The following SRP68 variants were observed in gnomAD, a reference collection of about 807,000 sequenced individuals.
SRP68 encodes signal recognition particle 68.
SRP68 carries 15 observed loss-of-function variants against 82.2 expected under a neutral mutation model. That is an observed-to-expected ratio of 0.18 (90% CI 0.12 to 0.28). SRP68 has a LOEUF of 0.28. Ranked by LOEUF, SRP68 falls within the 10% of genes least tolerant of loss-of-function variation. The pLI is 1.00. For missense variants in SRP68, 595 were observed against 780.5 expected (o/e 0.76, Z 2.83); for synonymous variants, 261 against 292.6 (o/e 0.89, Z 1.10).
Position 76,051,606 on chromosome 17 carries a change from T to C in SRP68, c.979-1080A>G, listed in dbSNP as rs1358303221. Among the ~76,000 whole-genome samples, 5 of 152,210 alleles carry C rather than the reference T, an allele frequency of 3.3e-5. No individual in the cohort carries two copies. In the South Asian group the frequency reaches 1.0e-3, roughly 32 times the overall value. On this transcript the variant is annotated intron_variant, in intron 8 of 15. Transcript: ENST00000307877. The stretch of plus-strand genomic sequence containing the variant: ...TCTTAAAAGTTCTCTTAAGAATCTA[T>C]TTCTTCTCTTTTCTTAGTCTCCAGT...
rs1399394987 is a variant in SRP68 at position 76,062,724 on chromosome 17, T to A, written c.562-1150A>T. ...TTGTATATTATACAATATATTATATTTATTTTATATATATATATATATATA... is the reference window on the plus strand; with the variant it reads ...TTGTATATTATACAATATATTATATATATTTTATATATATATATATATATA... On this transcript the variant is annotated intron_variant, in intron 4 of 15. Transcript: ENST00000307877. 2.9e-4 allele frequency among the ~76,000 whole-genome samples: 8 copies of A among 27,430 alleles called. 1 individual carries two copies. The highest frequency in any genetic ancestry group is 2.2e-3 in the South Asian group (2 of 918). 18.0% of individuals were successfully genotyped at this position (27,430 alleles called of 152,430 possible).
At chr17:76,070,480 A>G in intron 1 of SRP68, 36 bp from the exon 2 acceptor site, 1 of 1,563,222 alleles carries the variant, frequency 6.4e-7, no homozygotes, top group Non-Finnish European at 8.8e-7. Context: ...TACCATAGCA[A>G]GAATCCAAAC....
intron 5 of SRP68, 25 bp from the exon 6 acceptor site, chr17:76,061,244 T>G (rs1454566343): frequency 6.6e-7 from 1 of 1,505,168 alleles, no homozygotes; most frequent in African/African-American, 1.4e-5. Flanking sequence ...AAGCCAGGTT[T>G]TACATCAGCC....
intron 3 of SRP68, among the ~76,000 whole-genome samples, chr17:76,065,159 G>A (rs1262903445): frequency 1.3e-5 from 2 of 151,914 alleles, no homozygotes; most frequent in Non-Finnish European, 2.9e-5. Flanking sequence ...GCTATCATAA[G>A]ATAGTCCAGG....
At position 76,066,693 on chromosome 17, in the gene SRP68, G is replaced by A. The variant is rs571556705; in HGVS notation, c.365+524C>T. On this transcript the variant is annotated intron_variant, in intron 3 of 15. Coordinates refer to ENST00000307877, the MANE Select transcript of SRP68 (RefSeq NM_014230.4). ...CTTCCCTGTACAGAGACAGAGGAAG[G>A]GGGGCTCCAAAGCTGAGACAGTGAA... Among the ~76,000 whole-genome samples the A allele has an allele frequency of 1.5e-4, 22 of 150,902 alleles. No homozygotes were observed. The South Asian group carries it at 3.1e-3, about 22-fold the overall frequency.
intron 3 of SRP68, among the ~76,000 whole-genome samples, chr17:76,064,933 T>A (rs1011879906): frequency 2.0e-5 from 3 of 151,696 alleles, no homozygotes; most frequent in Non-Finnish European, 4.4e-5. Context: ...CACCGCTTAC[T>A]AGCTGTGTGA....
intron 4 of SRP68, among the ~76,000 whole-genome samples, chr17:76,062,326 T>A (rs1804616541): frequency 6.9e-6 from 1 of 145,012 alleles, no homozygotes; most frequent in Admixed American, 7.2e-5. Flanking sequence ...TGTGGTGGTG[T>A]GCACCTCTAG....
rs1041428323 is a variant in SRP68 at position 76,072,446 on chromosome 17, T to A, written c.46A>T (p.Ser16Cys). 15 of 1,579,286 alleles carry A rather than the reference T, an allele frequency of 9.5e-6. No individual in the cohort carries two copies. Among genetic ancestry groups the A allele is most frequent in the Non-Finnish European group, 1.2e-5 (14 of 1,165,302 alleles). Residue 16 changes from serine to cysteine, a missense_variant, in exon 1 of 16, where the codon AGT becomes TGT. By Grantham distance (112) the Ser-to-Cys change is moderately radical. This residue lies in a region of SRP68 where 100 missense variants were observed against 91.9 expected (regional missense o/e 1.09). Coordinates refer to ENST00000307877, the MANE Select transcript of SRP68 (RefSeq NM_014230.4). This position sits in a 1 kb window ranked among gnomAD's most constrained non-coding sequence, Gnocchi z 4.5. ...CCGCCACTGCCACCGCCGCCGCCAC[T>A]GCCGCCGCCGCCGCCGCCGCCTGGG... ...QVPGGGGGGG[S>C]GGGGGSGGGG...
At chr17:76,067,420 G>A (rs2066815686) in intron 2 of SRP68, 90 bp from the exon 3 acceptor site, 5 of 868,982 alleles carry the variant, frequency 5.8e-6, no homozygotes, top group Non-Finnish European at 9.5e-6. Context: ...AAGGGTCAAT[G>A]GTTTGGGATA....
Position 76,060,794 on chromosome 17 carries a change from G to GT in SRP68, c.754+315dup, listed in dbSNP as rs142806279. ...GGGAGGTGGGGTTACATGGATCTCT[G>GT]TATCTTTCTCTCAGCCTTGCTGTGA... On this transcript the variant is annotated intron_variant, in intron 6 of 15. Transcript: ENST00000307877. 3.9e-3 allele frequency: 1,365 copies of GT among 352,266 alleles called. 14 individuals are homozygous for GT. The highest frequency in any genetic ancestry group is 0.023 in the African/African-American group (1,115 of 47,648). The allele number at this position is 352,266 out of a possible 1,614,324, so 21.8% of individuals were successfully genotyped here.
At chr17:76,068,565 G>A (rs2066825310) in intron 2 of SRP68, among the ~76,000 whole-genome samples, 1 of 152,180 alleles carries the variant, frequency 6.6e-6, no homozygotes, top group Admixed American at 6.6e-5. Context: ...CCAAACATAT[G>A]GAGAAAGAAC....
intron 10 of SRP68, 65 bp downstream of exon 10, chr17:76,047,839 TAC>T (rs2066642849): frequency 1.2e-6 from 1 of 820,386 alleles, no homozygotes; most frequent in African/African-American, 1.8e-5. Context: ...ACATAAATAT[TAC>T]ATATACTCTT....
At chr17:76,044,259 G>A (rs1390656148) in intron 12 of SRP68, among the ~76,000 whole-genome samples, 1 of 152,218 alleles carries the variant, frequency 6.6e-6, no homozygotes, top group African/African-American at 2.4e-5. Context: ...GGACAGGAAG[G>A]AAGGAAGAAC....
At chr17:76,057,968 C>G (rs765170685) in intron 7 of SRP68, among the ~76,000 whole-genome samples, 12 of 149,136 alleles carry the variant, frequency 8.0e-5, no homozygotes, top group Non-Finnish European at 1.5e-4. Flanking sequence ...AGCCACTGTG[C>G]CAGGCCTCTT....
At position 76,072,477 on chromosome 17, in the gene SRP68, C is replaced by G. The variant is rs2066864514; in HGVS notation, c.15G>C (p.Lys5Asn). 2 of 1,582,356 alleles carry G rather than the reference C, an allele frequency of 1.3e-6. No homozygotes were observed. The highest frequency in any genetic ancestry group is 2.7e-5 in the African/African-American group (2 of 73,804). Residue 5 changes from lysine to asparagine, a missense_variant, in exon 1 of 16, where the codon AAG becomes AAC. This residue lies in a region of SRP68 where 100 missense variants were observed against 91.9 expected (regional missense o/e 1.09). Coordinates refer to ENST00000307877, the MANE Select transcript of SRP68 (RefSeq NM_014230.4). The surrounding 1 kb of genome is among the most constrained non-coding windows in gnomAD (Gnocchi z 4.5). MAAE[K>N]QVPGGGGGGG... is the part of the protein sequence containing the mutation. ...CGCCGCCGCCGCCGCCTGGGACCTGCTTCTCAGCAGCCATCTTGCCCCTGC... is the reference window on the plus strand; with the variant it reads ...CGCCGCCGCCGCCGCCTGGGACCTGGTTCTCAGCAGCCATCTTGCCCCTGC...
At chr17:76,047,883 A>T (rs960403652) in intron 10 of SRP68, 23 bp downstream of exon 10, 11 of 1,356,886 alleles carry the variant, frequency 8.1e-6, no homozygotes, top group Non-Finnish European at 1.1e-5. Context: ...ATTAAAAAGT[A>T]AAAAAATTAA....
At chr17:76,052,440 G>A (rs1157840508) in intron 8 of SRP68, among the ~76,000 whole-genome samples, 1 of 152,074 alleles carries the variant, frequency 6.6e-6, no homozygotes, top group African/African-American at 2.4e-5. Context: ...TAAGACATGT[G>A]AATGGCAGGG....
chr17:76,056,858 G>A (rs144104890), intron 8 of SRP68, among the ~76,000 whole-genome samples: 192 of 152,312 alleles, frequency 1.3e-3, no homozygotes, highest in African/African-American at 4.5e-3. Flanking sequence ...AAGGTCACCA[G>A]GATGTCTTAT....
intron 5 of SRP68, 98 bp downstream of exon 5, chr17:76,061,394 C>T: frequency 8.8e-7 from 1 of 1,137,456 alleles, no homozygotes; most frequent in Non-Finnish European, 1.3e-6. Flanking sequence ...AGAAAAGTCA[C>T]CCTCACTTTC....
Sources: gnomAD v4.1 joint callset for allele counts (sites outside exome capture counted in the v4.1 genomes callset) on GRCh38, gnomAD v4.1.1 for gene constraint, gnomAD v4.1.1 regional missense constraint, Gnocchi (gnomAD v3.1) non-coding constraint, MANE v1.5 for transcripts, NCBI Gene and HGNC (gene_info 2026-07-23, HGNC 2026-07-21) for gene names.